Variants in SYNE2 observed in about 807,000 individuals in gnomAD.
The protein encoded by SYNE2 is spectrin repeat containing nuclear envelope protein 2, also known as nesprin-2.
SYNE2 carries 431 observed loss-of-function variants against 856.3 expected under a neutral mutation model. The observed-to-expected ratio is 0.50, with a 90% CI of 0.47 to 0.55. SYNE2 has a LOEUF of 0.55. Among genes scored for constraint, SYNE2 ranks in the 20% least tolerant of loss-of-function variants. The pLI is 0.00. For missense variants in SYNE2, 8,129 were observed against 8,023.2 expected, an observed-to-expected ratio of 1.01 and a Z score of -0.50; for synonymous variants, 2,923 against 2,872.3, an observed-to-expected ratio of 1.02 and a Z score of -0.56.
At position 64,074,081 on chromosome 14, in the gene SYNE2, C is replaced by G; in HGVS notation, c.10811C>G (p.Thr3604Ser). Residue 3604 changes from threonine to serine, a missense_variant, in exon 53 of 116, where the codon ACT (threonine) becomes AGT (serine). Thr to Ser is a moderately conservative substitution (Grantham distance 58). Transcript: ENST00000555002. Reference protein sequence around the residue: ...ALKNFFQQTTTSFQNMAFQDH... With the variant: ...ALKNFFQQTTSSFQNMAFQDH... The stretch of plus-strand genomic sequence containing the variant: ...AAGAATTTCTTTCAACAGACCACAA[C>G]TTCATTCCAAAATATGGCATTCCAG... 6.2e-7 allele frequency: 1 copy of G among 1,614,198 alleles called. No homozygotes were observed. Among genetic ancestry groups the G allele is most frequent in the Non-Finnish European group, 8.5e-7 (1 of 1,180,018 alleles).
intron 1 of SYNE2, among the ~76,000 whole-genome samples, chr14:63,843,861 C>T (rs1347666849): frequency 1.1e-4 from 17 of 151,978 alleles, no homozygotes; most frequent in African/African-American, 1.9e-4. Flanking sequence ...TTTAAAATGT[C>T]GACAATTTAT....
chr14:63,902,009 T>A (rs2095343401), intron 1 of SYNE2, among the ~76,000 whole-genome samples: 1 of 152,208 alleles, frequency 6.6e-6, no homozygotes, highest in Non-Finnish European at 1.5e-5. Context: ...ACATGTATTT[T>A]AAAAACAATC....
At chr14:64,156,991 G>A (rs1383496521) in intron 85 of SYNE2, among the ~76,000 whole-genome samples, 1 of 152,206 alleles carries the variant, frequency 6.6e-6, no homozygotes, top group Non-Finnish European at 1.5e-5. Flanking sequence ...GTGCAGAGCT[G>A]TGTGATTGTA....
At chr14:63,931,977 T>C (rs1323580170) in intron 2 of SYNE2, among the ~76,000 whole-genome samples, 1 of 152,260 alleles carries the variant, frequency 6.6e-6, no homozygotes, top group Non-Finnish European at 1.5e-5. Flanking sequence ...TGAAAAATTT[T>C]TGTAAGCATT....
At chr14:63,997,964 G>T (rs2096725746) in intron 25 of SYNE2, among the ~76,000 whole-genome samples, 1 of 152,150 alleles carries the variant, frequency 6.6e-6, no homozygotes, top group Non-Finnish European at 1.5e-5. Flanking sequence ...CTATGGGTAT[G>T]GAGTCTCAGG....
intron 1 of SYNE2, among the ~76,000 whole-genome samples, chr14:63,796,490 G>C (rs906783298): frequency 6.6e-6 from 1 of 151,764 alleles, no homozygotes; most frequent in African/African-American, 2.4e-5. Flanking sequence ...GATTTTAAAA[G>C]GTTTGATAAA....
chr14:64,219,124 T>TTAA, intron 109 of SYNE2, 84 bp from the exon 110 acceptor site: 2 of 845,400 alleles, frequency 2.4e-6, no homozygotes, highest in African/African-American at 1.9e-5. Context: ...TTTTTTTTTT[T>TTAA]AACCACCCTG....
intron 76 of SYNE2, among the ~76,000 whole-genome samples, chr14:64,130,619 T>A (rs1386702514): frequency 6.6e-6 from 1 of 152,130 alleles, no homozygotes; most frequent in Admixed American, 6.5e-5. Flanking sequence ...GCGCAGTGGC[T>A]TATGCTTGTA....
intron 66 of SYNE2, among the ~76,000 whole-genome samples, chr14:64,116,819 CAA>C (rs1308649211): frequency 6.6e-6 from 1 of 152,036 alleles, no homozygotes; most frequent in Non-Finnish European, 1.5e-5. Flanking sequence ...AAAGGGGTAA[CAA>C]GAGGGAAATT....
intron 54 of SYNE2, among the ~76,000 whole-genome samples, chr14:64,078,251 T>G (rs1472120196): frequency 1.3e-5 from 2 of 152,200 alleles, no homozygotes; most frequent in Non-Finnish European, 2.9e-5. Flanking sequence ...TTTTATTTTA[T>G]TTAAGATGAG....
At chr14:63,975,197 G>T (rs2096532485) in intron 11 of SYNE2, among the ~76,000 whole-genome samples, 1 of 151,664 alleles carries the variant, frequency 6.6e-6, no homozygotes, top group African/African-American at 2.4e-5. Flanking sequence ...TTATTCATTT[G>T]CTTAATTGTG....
chr14:64,137,610 A>C (rs998287926), intron 78 of SYNE2, among the ~76,000 whole-genome samples, 177 bp from the exon 79 acceptor site: 2 of 152,238 alleles, frequency 1.3e-5, no homozygotes, highest in Non-Finnish European at 2.9e-5. Flanking sequence ...CCTATCATGA[A>C]AGGTAACCAA....
chr14:64,072,794 C>T (rs963216851), intron 52 of SYNE2, among the ~76,000 whole-genome samples: 3 of 152,224 alleles, frequency 2.0e-5, no homozygotes, highest in Admixed American at 2.0e-4. Context: ...AGCCACTGCG[C>T]CCCGCTGGTA....
At chr14:63,804,986 AT>A (rs1158503458) in intron 1 of SYNE2, among the ~76,000 whole-genome samples, 1 of 152,166 alleles carries the variant, frequency 6.6e-6, no homozygotes, top group Non-Finnish European at 1.5e-5. Context: ...TGCACCATTT[AT>A]TGAATAAGGA....
Position 63,941,892 on chromosome 14 carries a change from A to T in SYNE2, c.245A>T (p.Asp82Val). 2 of 1,613,444 alleles carry T rather than the reference A, an allele frequency of 1.2e-6. No individual in the cohort carries two copies. Among genetic ancestry groups the T allele is most frequent in the Non-Finnish European group, 1.7e-6 (2 of 1,179,918 alleles). ...EVLSGQQLPR[D>V]KGSNTFQCRI... ...TTTGCTTGAATTTCACAGCCTCGGG[A>T]TAAAGGATCTAATACCTTCCAGTGT... Residue 82 changes from aspartate to valine, a missense_variant, in exon 5 of 116, where the codon GAT becomes GTT. Coordinates refer to ENST00000555002, the MANE Select transcript of SYNE2 (RefSeq NM_182914.3).
At chr14:64,145,317 C>T (rs978293722) in intron 83 of SYNE2, among the ~76,000 whole-genome samples, 2 of 151,758 alleles carry the variant, frequency 1.3e-5, no homozygotes, top group African/African-American at 4.8e-5. Flanking sequence ...GCGGGCAGAT[C>T]ACAAGGTCAG....
chr14:63,859,044 CATTTGGTA>C (rs1379657334), intron 1 of SYNE2, among the ~76,000 whole-genome samples: 1 of 152,152 alleles, frequency 6.6e-6, no homozygotes. Context: ...ATGCCAGGAA[CATTTGGTA>C]ATTTTTGGAG....
chr14:64,087,477 CA>C (rs773305768), intron 57 of SYNE2, 193 bp from the exon 58 acceptor site: 3 of 750,084 alleles, frequency 4.0e-6, no homozygotes, highest in Non-Finnish European at 7.5e-6. Context: ...TATTATGTTA[CA>C]GTTATACAGG....
At chr14:64,154,792 CAAAAAAAAA>C (rs34020154) in intron 85 of SYNE2, among the ~76,000 whole-genome samples, 1 of 91,118 alleles carries the variant, frequency 1.1e-5, no homozygotes, top group Non-Finnish European at 2.3e-5. Flanking sequence ...GACCCTGTCT[CAAAAAAAAA>C]AAAAAAAAAA....
Sources: allele counts gnomAD v4.1 joint callset (sites outside exome capture counted in the v4.1 genomes callset), GRCh38; gene constraint gnomAD v4.1.1; transcripts MANE v1.5; gene names NCBI Gene and HGNC (gene_info 2026-07-23, HGNC 2026-07-21).